DOCK2: variants seen among roughly 807,000 people sequenced by gnomAD.
DOCK2 encodes dedicator of cytokinesis 2, also known as dedicator of cytokinesis protein 2.
In DOCK2, 87 loss-of-function variants were observed where a neutral mutation model predicts 248.9. The observed-to-expected ratio is 0.35, with a 90% CI of 0.29 to 0.42. The LOEUF is 0.42. DOCK2 is among the 10% of genes least tolerant of loss of function. The pLI is 1.00. For synonymous variants in DOCK2, 805 were observed against 821.6 expected, an observed-to-expected ratio of 0.98 and a Z score of 0.35; for missense variants, 1,747 against 2,300.2, an observed-to-expected ratio of 0.76 and a Z score of 4.92.
At chr5:169,927,736 C>A (rs1378083911) in intron 27 of DOCK2, among the ~76,000 whole-genome samples, 1 of 152,218 alleles carries the variant, frequency 6.6e-6, no homozygotes, top group Non-Finnish European at 1.5e-5. Flanking sequence ...CCTGCCTCAG[C>A]CTCCCGAGTA....
chr5:169,638,307 C>T (rs1356203993), intron 1 of DOCK2, among the ~76,000 whole-genome samples: 1 of 152,102 alleles, frequency 6.6e-6, no homozygotes, highest in Admixed American at 6.5e-5. Flanking sequence ...AGCAGTTATC[C>T]ACTCAATTAC....
At chr5:169,944,611 T>G (rs1426712997) in intron 27 of DOCK2, among the ~76,000 whole-genome samples, 1 of 152,232 alleles carries the variant, frequency 6.6e-6, no homozygotes, top group African/African-American at 2.4e-5. Context: ...CCTCTGTGCC[T>G]TGGTTTCCTC....
chr5:169,820,620 C>T (rs940764737), intron 26 of DOCK2, among the ~76,000 whole-genome samples: 4 of 152,120 alleles, frequency 2.6e-5, no homozygotes, highest in South Asian at 2.1e-4. Flanking sequence ...CCCATCTGTA[C>T]GTCACCATCA....
At chr5:169,752,433 C>CTGAATGAA (rs997769639) in intron 23 of DOCK2, among the ~76,000 whole-genome samples, 1 of 152,052 alleles carries the variant, frequency 6.6e-6, no homozygotes, top group African/African-American at 2.4e-5. Flanking sequence ...TATCTACTGT[C>CTGAATGAA]TGAATGAATG....
At chr5:169,916,880 G>A (rs913518204) in intron 27 of DOCK2, among the ~76,000 whole-genome samples, 2 of 152,166 alleles carry the variant, frequency 1.3e-5, no homozygotes, top group African/African-American at 2.4e-5. Flanking sequence ...AAGTAATGGG[G>A]CCTAGATTTG....
chr5:170,072,840 C>A (rs187025863), intron 46 of DOCK2, among the ~76,000 whole-genome samples: 29 of 152,200 alleles, frequency 1.9e-4, no homozygotes, highest in African/African-American at 6.3e-4. Context: ...TTTTTCAAAT[C>A]TTTTACTTAT....
intron 23 of DOCK2, among the ~76,000 whole-genome samples, chr5:169,751,371 T>G (rs1763886459): frequency 6.6e-6 from 1 of 152,176 alleles, no homozygotes; most frequent in Non-Finnish European, 1.5e-5. Flanking sequence ...TGGGAAAGTT[T>G]CAGCTAGTGA....
intron 27 of DOCK2, chr5:169,883,910 G>A: frequency 6.7e-7 from 1 of 1,493,280 alleles, no homozygotes; most frequent in Non-Finnish European, 8.9e-7. Flanking sequence ...GAGCCTCAGT[G>A]GGAAGGATCA....
intron 27 of DOCK2, among the ~76,000 whole-genome samples, chr5:169,941,095 C>T (rs951264544): frequency 1.3e-5 from 2 of 152,326 alleles, no homozygotes; most frequent in East Asian, 3.9e-4. Flanking sequence ...AGTCTTTAAT[C>T]TCACAAACTG....
At chr5:170,031,041 C>A (rs1048196142) in intron 34 of DOCK2, among the ~76,000 whole-genome samples, 2 of 152,240 alleles carry the variant, frequency 1.3e-5, no homozygotes, top group Non-Finnish European at 2.9e-5. Context: ...CTCCAGTTCT[C>A]CCTACCCTCA....
chr5:169,713,443 C>T (rs1485773985), intron 17 of DOCK2, among the ~76,000 whole-genome samples: 1 of 152,086 alleles, frequency 6.6e-6, no homozygotes, highest in Non-Finnish European at 1.5e-5. Flanking sequence ...ACATGCCACT[C>T]ATTTATGTGT....
intron 20 of DOCK2, among the ~76,000 whole-genome samples, chr5:169,716,878 A>G (rs1337097051): frequency 6.6e-6 from 1 of 152,194 alleles, no homozygotes; most frequent in African/African-American, 2.4e-5. Flanking sequence ...GTGCCCAACA[A>G]AGTTTTTAAG....
chr5:169,843,688 T>A (rs1477604365), intron 27 of DOCK2, among the ~76,000 whole-genome samples: 2 of 152,180 alleles, frequency 1.3e-5, no homozygotes, highest in South Asian at 2.1e-4. Context: ...CTCTCCAAAG[T>A]TCCATTTGCA....
intron 26 of DOCK2, among the ~76,000 whole-genome samples, chr5:169,825,043 A>G (rs1224539918): frequency 6.6e-6 from 1 of 152,230 alleles, no homozygotes; most frequent in Non-Finnish European, 1.5e-5. Flanking sequence ...TGGCCATCAG[A>G]GAAATGCAAA....
intron 24 of DOCK2, among the ~76,000 whole-genome samples, chr5:169,760,682 T>C (rs1280928429): frequency 6.6e-6 from 1 of 152,204 alleles, no homozygotes. Flanking sequence ...CACAGCTCCC[T>C]ATTTATTTCC....
chr5:169,864,564 C>A, intron 27 of DOCK2: 1 of 919,324 alleles, frequency 1.1e-6, no homozygotes, highest in South Asian at 1.8e-5. Flanking sequence ...GCTTTGGGAT[C>A]AAATCCTAGA....
chr5:169,707,966 G>A (rs1002023326), intron 14 of DOCK2, among the ~76,000 whole-genome samples: 1 of 152,230 alleles, frequency 6.6e-6, no homozygotes, highest in African/African-American at 2.4e-5. Flanking sequence ...CTGTAGTTAA[G>A]TGCCTGTCAG....
chr5:169,934,383 C>G (rs1304268546), intron 27 of DOCK2, among the ~76,000 whole-genome samples: 1 of 152,130 alleles, frequency 6.6e-6, no homozygotes, highest in Non-Finnish European at 1.5e-5. Context: ...CTGTGTTGTT[C>G]CCACTAATTT....
intron 26 of DOCK2, among the ~76,000 whole-genome samples, chr5:169,839,557 C>G (rs1769813615): frequency 1.3e-5 from 2 of 152,194 alleles, no homozygotes; most frequent in South Asian, 4.1e-4. Flanking sequence ...TGGTAAAATG[C>G]TCCAAGATAT....
Sources: allele counts gnomAD v4.1 joint callset (sites outside exome capture counted in the v4.1 genomes callset), GRCh38; gene constraint gnomAD v4.1.1; transcripts MANE v1.5; gene names NCBI Gene and HGNC (gene_info 2026-07-23, HGNC 2026-07-21).